Variants in IRAG2 observed in about 807,000 individuals in gnomAD.
IRAG2 encodes the protein inositol 1,4,5-triphosphate receptor associated 2, also known as lymphoid restricted membrane protein.
IRAG2 carries 45 observed loss-of-function variants against 69.9 expected under a neutral mutation model. That is an observed-to-expected ratio of 0.64 (90% CI 0.51 to 0.83). IRAG2 has a LOEUF of 0.83. Ranked by LOEUF, IRAG2 falls within the 40% of genes least tolerant of loss-of-function variation. The pLI, the probability that IRAG2 is intolerant of heterozygous loss-of-function variation, is 0.00. For missense variants in IRAG2, 520 were observed against 587.0 expected, an observed-to-expected ratio of 0.89 and a Z score of 1.18; for synonymous variants, 193 against 202.4, an observed-to-expected ratio of 0.95 and a Z score of 0.40.
chr12:25,058,851 A>G (rs1003163188), intron 1 of IRAG2, among the ~76,000 whole-genome samples: 1 of 152,200 alleles, frequency 6.6e-6, no homozygotes, highest in African/African-American at 2.4e-5. Context: ...TTTGTTCTAG[A>G]GGCATTACAG....
At chr12:25,106,687 C>T (rs1321108140) in intron 20 of IRAG2, among the ~76,000 whole-genome samples, 1 of 149,790 alleles carries the variant, frequency 6.7e-6, no homozygotes, top group Non-Finnish European at 1.5e-5. Context: ...ATATACTTGG[C>T]TAATATTCTA....
At chr12:25,014,560 G>A (rs1944505073) in intron 3 of IRAG2, among the ~76,000 whole-genome samples, 1 of 152,110 alleles carries the variant, frequency 6.6e-6, no homozygotes, top group African/African-American at 2.4e-5. Flanking sequence ...GGAAATGGTT[G>A]AAATGTTAAT....
intron 15 of IRAG2, chr12:25,100,740 T>G (rs768610023): frequency 6.5e-6 from 1 of 152,748 alleles, no homozygotes; most frequent in African/African-American, 2.4e-5. Flanking sequence ...TCTCTAGATA[T>G]CCAACTGTAT....
In IRAG2 at chr12:25,101,257, C is replaced by T; in HGVS notation, c.821C>T (p.Ala274Val). The change falls in exon 16 of 22, where the codon GCT becomes GTT. Residue 274 changes from alanine (A) to valine (V), a missense_variant. Physicochemically the swap from Ala to Val is moderately conservative, Grantham distance 64. Coordinates refer to ENST00000556887, the MANE Select transcript of IRAG2 (RefSeq NM_001366544.2). ...AAGAGGATGTATGCCAAAGAGCACG[C>T]TGAATTAGAAGAACTGAAACAGGTT... ...NLKRMYAKEH[A>V]ELEELKQVLL... 2 of 1,611,976 alleles carry T rather than the reference C, an allele frequency of 1.2e-6. No individual in the cohort carries two copies. The highest frequency in any genetic ancestry group is 1.7e-6 in the Non-Finnish European group (2 of 1,178,654).
intron 7 of IRAG2, among the ~76,000 whole-genome samples, chr12:25,021,368 G>T (rs1230369894): frequency 6.6e-6 from 1 of 151,502 alleles, no homozygotes; most frequent in Non-Finnish European, 1.5e-5. Context: ...TCCTAAAGTC[G>T]ATAGGAGAAT....
At chr12:25,090,012 C>T (rs757121891) in intron 13 of IRAG2, 45 bp from the exon 14 acceptor site, 25 of 1,589,470 alleles carry the variant, frequency 1.6e-5, no homozygotes, top group Admixed American at 3.5e-5. Flanking sequence ...TGACCACATC[C>T]GGTTTTCTCT....
chr12:25,075,511 TGTGTGTATGC>T (rs1946626172), intron 6 of IRAG2, among the ~76,000 whole-genome samples: 1 of 142,920 alleles, frequency 7.0e-6, no homozygotes, highest in Non-Finnish European at 1.5e-5. Context: ...TATTGCTGTG[TGTGTGTATGC>T]GTGTGTGTGT....
chr12:25,031,425 G>A (rs1469948227), intron 10 of IRAG2, among the ~76,000 whole-genome samples: 2 of 152,096 alleles, frequency 1.3e-5, no homozygotes, highest in African/African-American at 4.8e-5. Context: ...TGGTCTTGTA[G>A]AAGAAAACAA....
At chr12:25,009,535 G>A (rs977505297) in intron 2 of IRAG2, among the ~76,000 whole-genome samples, 1 of 152,126 alleles carries the variant, frequency 6.6e-6, no homozygotes, top group East Asian at 1.9e-4. Context: ...CTCTCTGGTG[G>A]GAAGAGATAT....
At chr12:25,038,154 T>A in intron 16 of IRAG2, 1 of 398,748 alleles carries the variant, frequency 2.5e-6, no homozygotes, top group Non-Finnish European at 4.4e-6. Flanking sequence ...ATCATTTATA[T>A]ATAAGAAATC....
At position 25,079,221 on chromosome 12, in the gene IRAG2, T is replaced by C. The variant is rs371561515; in HGVS notation, c.25-23T>C. The C allele has an allele frequency of 5.8e-5, 93 of 1,612,792 alleles. No individual in the cohort carries two copies. In the Middle Eastern group the frequency reaches 8.3e-4, roughly 14 times the overall value. On this transcript the variant is annotated intron_variant, in intron 6 of 21. Coordinates refer to ENST00000556887, the MANE Select transcript of IRAG2 (RefSeq NM_001366544.2). ...GGAAAATGTCAAATTGTTGAACTTA[T>C]GTCTCCTTTCTTTTTCCTTAAGGAG... is the stretch of plus-strand genomic sequence containing the variant.
In IRAG2 at chr12:25,020,978, T is replaced by C. The variant is rs371227779; in HGVS notation, c.1332+71T>C. 1.2e-5 allele frequency: 9 copies of C among 744,346 alleles called. No homozygotes were observed. In the East Asian group the frequency reaches 2.4e-4, roughly 20 times the overall value. 46.1% of individuals were successfully genotyped at this position (744,346 alleles called of 1,614,324 possible). ...TAACTGAAATATACAAGAGGACTTA[T>C]CCGGTGGAACATCAGAAGTCAATAT... On this transcript the variant is annotated intron_variant, in intron 7 of 38. Transcript: ENST00000636465.
rs963503894 is a variant in IRAG2 at position 25,093,473 on chromosome 12, C to G, written c.606+3276C>G. 3.9e-5 allele frequency: 6 copies of G among 152,806 alleles called. No individual in the cohort carries two copies. The East Asian group carries it at 7.7e-4, about 20-fold the overall frequency. 9.5% of individuals were successfully genotyped at this position (152,806 alleles called of 1,614,324 possible). On this transcript the variant is annotated intron_variant, in intron 14 of 21. Transcript: ENST00000556887. ...TCTCCACTGACTTAACTTTTCTTCT[C>G]ACATCACTTTCTTCAGTGCTTTCAG... is the stretch of plus-strand genomic sequence containing the variant.
intron 3 of IRAG2, among the ~76,000 whole-genome samples, chr12:25,013,892 T>TC (rs1694294061): frequency 8.4e-6 from 1 of 119,626 alleles, no homozygotes; most frequent in East Asian, 2.4e-4. Context: ...TTTTTTTTTT[T>TC]GAGACAGAGT....
chr12:25,099,738 A>G (rs972290630), intron 15 of IRAG2, among the ~76,000 whole-genome samples: 1 of 152,100 alleles, frequency 6.6e-6, no homozygotes, highest in Admixed American at 6.5e-5. Flanking sequence ...GCGGTGACTC[A>G]CGCCTGTAAT....
Position 25,108,172 on chromosome 12 carries a change from A to ATGAC in IRAG2, c.*115_*118dup, listed in dbSNP as rs1418415997. 4.9e-6 allele frequency: 6 copies of ATGAC among 1,231,302 alleles called. No homozygotes were observed. The East Asian group carries it at 1.2e-4, about 24-fold the overall frequency. The allele number at this position is 1,231,302 out of a possible 1,614,324, so 76.3% of individuals were successfully genotyped here. A position where few individuals can be genotyped will look rare whatever the true frequency, so the allele number is the denominator to read the frequency against. Reference sequence around the variant, plus strand: ...TAGCATGAAACCAGAGGTTCTCAGAATGACTGTAAGATAGCTTACATTTCC... The same window carrying ATGAC: ...TAGCATGAAACCAGAGGTTCTCAGAATGACTGACTGTAAGATAGCTTACATTTCC... On this transcript the variant is annotated 3_prime_UTR_variant, in exon 22 of 22. Transcript: ENST00000556887.
intron 15 of IRAG2, among the ~76,000 whole-genome samples, chr12:25,098,989 A>G (rs2140224473): frequency 6.6e-6 from 1 of 152,054 alleles, no homozygotes; most frequent in Admixed American, 6.5e-5. Context: ...GCTTTTCTCT[A>G]CATCACGGGC....
intron 6 of IRAG2, among the ~76,000 whole-genome samples, chr12:25,072,013 G>A (rs756770149): frequency 2.0e-5 from 3 of 151,968 alleles, no homozygotes; most frequent in East Asian, 1.9e-4. Context: ...AGACCAGCCT[G>A]GCCAATGTAG....
At chr12:25,102,339 T>C (rs1948806009) in intron 17 of IRAG2, 98 bp downstream of exon 17, 3 of 880,546 alleles carry the variant, frequency 3.4e-6, no homozygotes, top group South Asian at 3.1e-5. Flanking sequence ...AATAACAAAA[T>C]AGTGATTTTA....
Sources: gnomAD v4.1 joint callset for allele counts (sites outside exome capture counted in the v4.1 genomes callset) on GRCh38, gnomAD v4.1.1 for gene constraint, MANE v1.5 for transcripts, NCBI Gene and HGNC (gene_info 2026-07-23, HGNC 2026-07-21) for gene names.